The following ROBO2 variants were observed in gnomAD, a reference collection of about 807,000 sequenced individuals.
The protein encoded by ROBO2 is roundabout homolog 2.
ROBO2 carries 53 observed loss-of-function variants against 160.8 expected under a neutral mutation model. The ratio of observed to expected loss-of-function variants is 0.33; its 90% CI spans 0.26 to 0.41. The LOEUF (loss-of-function observed/expected upper bound fraction) is 0.41. Among genes scored for constraint, ROBO2 ranks in the 10% least tolerant of loss-of-function variants. The pLI, the probability that ROBO2 is intolerant of heterozygous loss-of-function variation, is 1.00. For missense variants in ROBO2, 1,577 were observed against 1,722.4 expected, an observed-to-expected ratio of 0.92 and a Z score of 1.49; for synonymous variants, 664 against 611.7, an observed-to-expected ratio of 1.09 and a Z score of -1.26.
intron 2 of ROBO2, among the ~76,000 whole-genome samples, chr3:76,627,479 C>CAGATGATG (rs1430398920): frequency 6.6e-6 from 1 of 152,224 alleles, no homozygotes; most frequent in Non-Finnish European, 1.5e-5. Context: ...CTTTAGCATG[C>CAGATGATG]AGATGATGGC....
In ROBO2 at chr3:75,937,441, A is replaced by G. The variant is rs1947834095; in HGVS notation, c.-13-40A>G. The G allele has an allele frequency of 4.4e-6, 5 of 1,127,740 alleles. No homozygotes were observed. In the Admixed American group the frequency reaches 1.2e-4, roughly 27 times the overall value. The allele number at this position is 1,127,740 out of a possible 1,614,324, so 69.9% of individuals were successfully genotyped here. On this transcript the variant is annotated intron_variant, in intron 1 of 26. Transcript: ENST00000487694. The stretch of plus-strand genomic sequence containing the variant: ...TCGTAGTATATTTCTCTAAGAATGT[A>G]ATTTATTGTACTTTCACATCCACCC...
intron 2 of ROBO2, among the ~76,000 whole-genome samples, chr3:76,437,038 A>C (rs1214635404): frequency 6.6e-6 from 1 of 152,210 alleles, no homozygotes; most frequent in African/African-American, 2.4e-5. Context: ...TTCTAGCTCA[A>C]AACTGAATTT....
chr3:75,987,624 G>A (rs2065450818), intron 2 of ROBO2, among the ~76,000 whole-genome samples: 1 of 151,860 alleles, frequency 6.6e-6, no homozygotes, highest in Admixed American at 6.6e-5. Flanking sequence ...TCATTGTCTT[G>A]TTCCTGATCT....
chr3:76,159,737 T>C (rs1395459917), intron 2 of ROBO2, among the ~76,000 whole-genome samples: 2 of 152,158 alleles, frequency 1.3e-5, no homozygotes, highest in African/African-American at 4.8e-5. Context: ...CAAAACACTT[T>C]TGTAAGTAAT....
chr3:76,334,574 T>C (rs1034182532), intron 2 of ROBO2, among the ~76,000 whole-genome samples: 8 of 151,936 alleles, frequency 5.3e-5, no homozygotes, highest in Non-Finnish European at 1.2e-4. Context: ...TTTTAAGAGA[T>C]TGAAAGGGAA....
At chr3:77,040,122 C>T (rs1232909365) in exon 1 of ROBO2, 1 of 985,178 alleles carries the variant, frequency 1.0e-6, no homozygotes, top group African/African-American at 1.7e-5. Flanking sequence ...ATTCTCCACC[C>T]GAATCGTCCT....
intron 2 of ROBO2, among the ~76,000 whole-genome samples, chr3:76,125,551 C>G (rs142332804): frequency 6.6e-6 from 1 of 151,942 alleles, no homozygotes; most frequent in East Asian, 1.9e-4. Flanking sequence ...GACTGGTCTG[C>G]GGTGTTATCT....
intron 2 of ROBO2, among the ~76,000 whole-genome samples, chr3:76,152,447 ATCTT>A (rs1430763657): frequency 7.2e-5 from 11 of 152,138 alleles, no homozygotes; most frequent in Non-Finnish European, 1.3e-4. Flanking sequence ...GAACTAGTAA[ATCTT>A]TCAGAGGAAT....
At chr3:77,240,154 C>T (rs539454318) in intron 2 of ROBO2, among the ~76,000 whole-genome samples, 346 of 152,232 alleles carry the variant, frequency 2.3e-3, no homozygotes, top group Middle Eastern at 0.014. Context: ...CGGCGCCCGT[C>T]GGGGAGGCTC....
chr3:76,555,344 G>A (rs1054652268), intron 2 of ROBO2, among the ~76,000 whole-genome samples: 2 of 70,266 alleles, frequency 2.8e-5, no homozygotes, highest in East Asian at 5.3e-4. Flanking sequence ...GGAAGAGGAG[G>A]AAGAGTAGGA....
chr3:76,957,403 G>A (rs1364954028), intron 2 of ROBO2, among the ~76,000 whole-genome samples: 5 of 151,992 alleles, frequency 3.3e-5, no homozygotes, highest in Non-Finnish European at 2.9e-5. Flanking sequence ...GCTAGGACTT[G>A]GAATATTTCT....
At chr3:77,410,516 C>CTCCTCCTCCTCT (rs1303232582) in intron 2 of ROBO2, among the ~76,000 whole-genome samples, 4 of 103,552 alleles carry the variant, frequency 3.9e-5, no homozygotes, top group South Asian at 3.4e-4. Context: ...CCTCCTCTTC[C>CTCCTCCTCCTCT]TCCTCCTCCT....
chr3:76,751,397 G>A (rs1446380582), intron 2 of ROBO2, among the ~76,000 whole-genome samples: 1 of 152,026 alleles, frequency 6.6e-6, no homozygotes, highest in Non-Finnish European at 1.5e-5. Flanking sequence ...GCATGGGCAA[G>A]GATTTCATGT....
chr3:76,422,591 A>G (rs1255394385), intron 2 of ROBO2, among the ~76,000 whole-genome samples: 4 of 152,198 alleles, frequency 2.6e-5, no homozygotes, highest in African/African-American at 9.6e-5. Flanking sequence ...GATCATGGCT[A>G]TAAAAGAGTT....
intron 1 of ROBO2, among the ~76,000 whole-genome samples, chr3:75,929,625 C>G (rs970983118): frequency 1.3e-5 from 2 of 152,054 alleles, no homozygotes; most frequent in Admixed American, 1.3e-4. Context: ...CTTTGAAACT[C>G]AAACCCCTTG....
chr3:75,908,584 A>T (rs1303281226), intron 1 of ROBO2, among the ~76,000 whole-genome samples: 2 of 152,170 alleles, frequency 1.3e-5, no homozygotes, highest in African/African-American at 2.4e-5. Context: ...ATTCAGACCT[A>T]TGCTATTTAA....
At chr3:76,696,798 G>A (rs2092937446) in intron 2 of ROBO2, among the ~76,000 whole-genome samples, 1 of 152,114 alleles carries the variant, frequency 6.6e-6, no homozygotes, top group Admixed American at 6.6e-5. Context: ...TTTCCACTTT[G>A]CACCACAGTT....
intron 2 of ROBO2, among the ~76,000 whole-genome samples, chr3:77,131,477 G>A (rs188431214): frequency 6.6e-6 from 1 of 152,096 alleles, no homozygotes; most frequent in Admixed American, 6.5e-5. Context: ...AGCTGCATTA[G>A]TGGTTAAAGA....
chr3:76,349,156 C>T (rs1031122167), intron 2 of ROBO2, among the ~76,000 whole-genome samples: 3 of 152,010 alleles, frequency 2.0e-5, no homozygotes, highest in African/African-American at 4.8e-5. Flanking sequence ...CTAAAGAAAG[C>T]CTATGTAACA....
Sources: allele counts gnomAD v4.1 joint callset (sites outside exome capture counted in the v4.1 genomes callset), GRCh38; gene constraint gnomAD v4.1.1; transcripts MANE v1.5; gene names NCBI Gene and HGNC (gene_info 2026-07-23, HGNC 2026-07-21).